Variants in PCDH7 observed in about 807,000 individuals in gnomAD.
The protein encoded by PCDH7 is protocadherin-7.
In PCDH7, 17 loss-of-function variants were observed where a neutral mutation model predicts 58.9. The observed-to-expected ratio is 0.29, with a 90% CI of 0.20 to 0.43. PCDH7 has a LOEUF of 0.43. Ranked by LOEUF, PCDH7 falls within the 20% of genes least tolerant of loss-of-function variation. PCDH7 has a pLI of 1.00. For synonymous variants in PCDH7, 664 were observed against 616.4 expected, an observed-to-expected ratio of 1.08 and a Z score of -1.14; for missense variants, 1,274 against 1,441.0, an observed-to-expected ratio of 0.88 and a Z score of 1.88.
chr4:30,810,567 T>A lies in PCDH7; in HGVS notation c.70+85971T>A, dbSNP rs1431881133. ...AATTATGATTTTTTAAAAAACGTCT[T>A]CTCATTTTCTTGTAAATTATGATTT... is the stretch of plus-strand genomic sequence containing the variant. On this transcript the variant is annotated intron_variant, in intron 1 of 3. Transcript: ENST00000509759. 3.3e-5 allele frequency among the ~76,000 whole-genome samples: 5 copies of A among 151,874 alleles called. No individual in the cohort carries two copies. The East Asian group carries it at 5.8e-4, about 18-fold the overall frequency.
intron 2 of PCDH7, among the ~76,000 whole-genome samples, chr4:30,948,687 G>A (rs1250338299): frequency 2.0e-5 from 3 of 152,078 alleles, no homozygotes; most frequent in African/African-American, 7.2e-5. Context: ...TTTTACATCA[G>A]AGGGCCTAGA....
chr4:30,826,881 A>G (rs917300501), intron 1 of PCDH7, among the ~76,000 whole-genome samples: 3 of 151,980 alleles, frequency 2.0e-5, no homozygotes, highest in Non-Finnish European at 4.4e-5. Context: ...GCACACCACC[A>G]TGCCCAGCTA....
intron 2 of PCDH7, among the ~76,000 whole-genome samples, chr4:30,943,047 A>G (rs1746243736): frequency 6.6e-6 from 1 of 151,944 alleles, no homozygotes; most frequent in East Asian, 1.9e-4. Context: ...AAGATTTGCT[A>G]TGGGTTTGCA....
At chr4:31,120,433 AT>A (rs1186629438) in intron 3 of PCDH7, among the ~76,000 whole-genome samples, 5 of 50,686 alleles carry the variant, frequency 9.9e-5, no homozygotes, top group South Asian at 7.1e-4. Context: ...TTTTCTTTCT[AT>A]TTTTTTCTTT....
At chr4:31,114,714 T>G (rs1439864822) in intron 3 of PCDH7, among the ~76,000 whole-genome samples, 1 of 148,478 alleles carries the variant, frequency 6.7e-6, no homozygotes, top group Non-Finnish European at 1.5e-5. Context: ...CAAAGGAAAG[T>G]GGCAGGGATA....
chr4:30,900,954 ACT>A (rs975333063), intron 1 of PCDH7, among the ~76,000 whole-genome samples: 4 of 152,090 alleles, frequency 2.6e-5, no homozygotes, highest in African/African-American at 9.7e-5. Context: ...GTGTTAGATA[ACT>A]CTATGAAGAT....
At position 30,862,638 on chromosome 4, in the gene PCDH7, A is replaced by G. The variant is rs147627078; in HGVS notation, c.71-57515A>G. The stretch of plus-strand genomic sequence containing the variant: ...AATATCCTTTTAGGGTTTGTCGCCT[A>G]TGCTGTCTTCCATTGCTGCAGATTT... On this transcript the variant is annotated intron_variant, in intron 1 of 3. Transcript: ENST00000509759. Among the ~76,000 whole-genome samples the G allele has an allele frequency of 3.2e-3, 483 of 152,288 alleles. 4 individuals carry two copies. Among genetic ancestry groups the G allele is most frequent in the Middle Eastern group, 0.017 (5 of 294 alleles).
chr4:30,726,553 G>T (rs1250687941), intron 1 of PCDH7, among the ~76,000 whole-genome samples: 2 of 151,956 alleles, frequency 1.3e-5, no homozygotes, highest in Non-Finnish European at 2.9e-5. Context: ...CTGTTTAAAA[G>T]GCAAAGTGAT....
rs985957291 is a variant in PCDH7, at chr4:30,903,453, AT to A, written c.71-16690del. ...AAACTCATTTCTTTCAAGTTCCTGGATTTTTTTTTTGTCTTAGTGTATATAA... is the reference window on the plus strand; with the variant it reads ...AAACTCATTTCTTTCAAGTTCCTGGATTTTTTTTTGTCTTAGTGTATATAA... On this transcript the variant is annotated intron_variant, in intron 1 of 3. Transcript: ENST00000509759. Among the ~76,000 whole-genome samples, 151 of 148,548 alleles carry A rather than the reference AT, an allele frequency of 1.0e-3. 2 individuals carry two copies. Among genetic ancestry groups the A allele is most frequent in the African/African-American group, 1.1e-3 (45 of 40,612 alleles).
intron 3 of PCDH7, among the ~76,000 whole-genome samples, chr4:30,953,654 TAAATA>T (rs1171417779): frequency 1.3e-5 from 2 of 152,200 alleles, no homozygotes; most frequent in East Asian, 1.9e-4. Flanking sequence ...ATGCAGTATA[TAAATA>T]AAATAAACAT....
At chr4:30,793,352 T>C (rs1220388082) in intron 1 of PCDH7, among the ~76,000 whole-genome samples, 1 of 152,190 alleles carries the variant, frequency 6.6e-6, no homozygotes, top group Non-Finnish European at 1.5e-5. Context: ...TTAAAGAGCA[T>C]GATTAGAAGA....
At chr4:31,143,335 T>C (rs1720468596), downstream of PCDH7, 1 of 153,682 alleles carries the variant, frequency 6.5e-6, no homozygotes, top group Non-Finnish European at 1.4e-5. Context: ...GAAAATGGTT[T>C]ATCACCATCA....
chr4:31,078,791 C>A (rs1325191486), intron 3 of PCDH7, among the ~76,000 whole-genome samples: 1 of 151,884 alleles, frequency 6.6e-6, no homozygotes, highest in Non-Finnish European at 1.5e-5. Flanking sequence ...ATAGGAAGAG[C>A]TTTCCATACA....
At chr4:31,084,907 A>T (rs1560210719) in intron 3 of PCDH7, among the ~76,000 whole-genome samples, 1 of 151,984 alleles carries the variant, frequency 6.6e-6, no homozygotes, top group African/African-American at 2.4e-5. Flanking sequence ...TTCATGAAGG[A>T]TCTGCCCCCG....
intron 3 of PCDH7, among the ~76,000 whole-genome samples, chr4:31,017,715 G>A (rs1753727534): frequency 6.6e-6 from 1 of 151,698 alleles, no homozygotes. Context: ...ACAATATAGA[G>A]AGAAAAAAAT....
chr4:30,965,663 A>T (rs1748930501), intron 3 of PCDH7, among the ~76,000 whole-genome samples: 1 of 152,046 alleles, frequency 6.6e-6, no homozygotes, highest in Non-Finnish European at 1.5e-5. Flanking sequence ...TTTCTTTCTC[A>T]TTCTATGCCA....
chr4:30,730,594 C>G (rs958802355), intron 1 of PCDH7, among the ~76,000 whole-genome samples: 1 of 152,080 alleles, frequency 6.6e-6, no homozygotes, highest in Non-Finnish European at 1.5e-5. Flanking sequence ...TCCCCCACCC[C>G]CCAAGTGTAT....
intron 3 of PCDH7, among the ~76,000 whole-genome samples, chr4:31,097,610 A>G (rs1349656433): frequency 6.2e-5 from 2 of 32,330 alleles, no homozygotes; most frequent in Admixed American, 3.0e-4. Flanking sequence ...ATATATATAT[A>G]TATATATATA....
At chr4:30,942,264 C>A (rs1289176173) in intron 2 of PCDH7, among the ~76,000 whole-genome samples, 1 of 151,848 alleles carries the variant, frequency 6.6e-6, no homozygotes, top group African/African-American at 2.4e-5. Context: ...CTTCTTATAA[C>A]TTAATCTACA....
Sources: allele counts gnomAD v4.1 joint callset (sites outside exome capture counted in the v4.1 genomes callset), GRCh38; gene constraint gnomAD v4.1.1; transcripts MANE v1.5; gene names NCBI Gene and HGNC (gene_info 2026-07-23, HGNC 2026-07-21).